Variants in GLG1 observed in about 807,000 individuals in gnomAD.
GLG1 encodes the protein Golgi apparatus protein 1.
A neutral mutation model predicts 160.5 loss-of-function variants in GLG1; 38 were observed. The ratio of observed to expected loss-of-function variants is 0.24; its 90% CI spans 0.18 to 0.31. The LOEUF is 0.31. Among genes scored for constraint, GLG1 ranks in the 10% least tolerant of loss-of-function variants. The probability of loss-of-function intolerance (pLI) is 1.00; values close to 1 mark genes in which losing one functional copy is unlikely to be tolerated. For missense variants in GLG1, 1,373 were observed against 1,505.2 expected, an observed-to-expected ratio of 0.91 and a Z score of 1.45; for synonymous variants, 644 against 543.4, an observed-to-expected ratio of 1.19 and a Z score of -2.57.
At chr16:74,515,043 CAAAG>C (rs1446736510) in intron 2 of GLG1, among the ~76,000 whole-genome samples, 2 of 151,960 alleles carry the variant, frequency 1.3e-5, no homozygotes, top group South Asian at 2.1e-4. Context: ...TCAAAAGAGA[CAAAG>C]AAAGCCATTA....
At chr16:74,498,242 C>T (rs898500323) in intron 4 of GLG1, among the ~76,000 whole-genome samples, 2 of 150,238 alleles carry the variant, frequency 1.3e-5, no homozygotes, top group Admixed American at 1.3e-4. Context: ...ACCAGTCTGG[C>T]CAACACAGTG....
In GLG1 at chr16:74,515,715, A is replaced by G. The variant is rs547541982; in HGVS notation, c.472-6790T>C. ...CTTAAAGTATAATTTTAAAAAATGTAAAGGGGCTAAATGCTCCAATTAAAA... is the reference window on the plus strand; with the variant it reads ...CTTAAAGTATAATTTTAAAAAATGTGAAGGGGCTAAATGCTCCAATTAAAA... On this transcript the variant is annotated intron_variant, in intron 2 of 25. Transcript: ENST00000422840. Among the ~76,000 whole-genome samples, 4 of 151,868 alleles carry G rather than the reference A, an allele frequency of 2.6e-5. 1 individual carries two copies. Among genetic ancestry groups the G allele is most frequent in the African/African-American group, 9.7e-5 (4 of 41,134 alleles).
chr16:74,595,906 C>G (rs1958289479), intron 1 of GLG1, among the ~76,000 whole-genome samples: 1 of 151,990 alleles, frequency 6.6e-6, no homozygotes, highest in South Asian at 2.1e-4. Flanking sequence ...GGTGGATCAC[C>G]TGAGGTCAGG....
At chr16:74,459,654 G>A (rs373516441) in intron 23 of GLG1, 28 bp downstream of exon 23, 4 of 1,059,996 alleles carry the variant, frequency 3.8e-6, no homozygotes, top group Admixed American at 2.1e-5. Flanking sequence ...AAGAAATGAA[G>A]TGAGGAAAAG....
At chr16:74,474,887 T>C (rs1382221231) in intron 12 of GLG1, among the ~76,000 whole-genome samples, 1 of 152,146 alleles carries the variant, frequency 6.6e-6, no homozygotes, top group Non-Finnish European at 1.5e-5. Flanking sequence ...CTGGGCATGA[T>C]GGCTCACACC....
Position 74,503,696 on chromosome 16 carries a change from G to A in GLG1, c.609C>T (p.Cys203=). 1.9e-6 allele frequency: 3 copies of A among 1,613,006 alleles called. No individual in the cohort carries two copies. Among genetic ancestry groups the A allele is most frequent in the Non-Finnish European group, 2.5e-6 (3 of 1,179,008 alleles). ...EPVGKGYMVS[C]LVDHRGNITE... is the part of the protein sequence containing the mutation. ...TGATGTTGCCTCGGTGATCCACCAA[G>A]CAGGAAACCATGTAACCTTTTCCAA... is the stretch of plus-strand genomic sequence containing the variant. The change falls in exon 4 of 26, where the codon TGC becomes TGT. Residue 203 remains cysteine, a synonymous_variant. Transcript: ENST00000422840.
At chr16:74,517,653 C>A (rs2017022055) in intron 2 of GLG1, among the ~76,000 whole-genome samples, 1 of 152,092 alleles carries the variant, frequency 6.6e-6, no homozygotes, top group Non-Finnish European at 1.5e-5. Context: ...ACAAGGATGC[C>A]CTCTCTCACC....
intron 1 of GLG1, among the ~76,000 whole-genome samples, chr16:74,549,284 G>A (rs528295863): frequency 9.9e-5 from 15 of 152,086 alleles, no homozygotes; most frequent in Non-Finnish European, 1.8e-4. Context: ...CTTGCAGGTG[G>A]AATTTTGTCT....
At chr16:74,563,778 G>C (rs1219744771) in intron 1 of GLG1, among the ~76,000 whole-genome samples, 1 of 151,646 alleles carries the variant, frequency 6.6e-6, no homozygotes, top group African/African-American at 2.4e-5. Flanking sequence ...TGTTCCTCAT[G>C]ATATGCTCCA....
chr16:74,565,254 A>AG (rs758554372), intron 1 of GLG1, among the ~76,000 whole-genome samples: 46 of 152,280 alleles, frequency 3.0e-4, no homozygotes, highest in Admixed American at 3.0e-3. Flanking sequence ...ACTTGAACCC[A>AG]GGGGGCAGAA....
At chr16:74,501,538 T>C (rs1217800964) in intron 4 of GLG1, among the ~76,000 whole-genome samples, 2 of 152,188 alleles carry the variant, frequency 1.3e-5, no homozygotes. Context: ...AACTCATACA[T>C]GGAGGTGACA....
At chr16:74,560,102 G>A (rs147240501) in intron 1 of GLG1, among the ~76,000 whole-genome samples, 114 of 152,194 alleles carry the variant, frequency 7.5e-4, no homozygotes, top group African/African-American at 2.1e-3. Flanking sequence ...CACGCGTTTC[G>A]CCAAACATTG....
intron 1 of GLG1, among the ~76,000 whole-genome samples, chr16:74,549,064 T>C (rs1396819979): frequency 6.6e-6 from 1 of 152,188 alleles, no homozygotes; most frequent in Non-Finnish European, 1.5e-5. Context: ...AATGAACCAA[T>C]GTTGGTTCAA....
chr16:74,596,839 G>A (rs1958315305), intron 1 of GLG1, among the ~76,000 whole-genome samples: 1 of 152,146 alleles, frequency 6.6e-6, no homozygotes, highest in African/African-American at 2.4e-5. Flanking sequence ...GTAATAGGCT[G>A]GGTACAGTGG....
chr16:74,603,932 T>A (rs1408836591), intron 1 of GLG1, among the ~76,000 whole-genome samples: 1 of 151,562 alleles, frequency 6.6e-6, no homozygotes, highest in Non-Finnish European at 1.5e-5. Context: ...TATTTCATAG[T>A]GGACCCATGA....
At chr16:74,548,845 A>G (rs1367515582) in intron 1 of GLG1, among the ~76,000 whole-genome samples, 1 of 152,088 alleles carries the variant, frequency 6.6e-6, no homozygotes, top group Admixed American at 6.6e-5. Flanking sequence ...AAAATAGAAG[A>G]ATTAGCTGGG....
At chr16:74,523,938 C>A (rs767037279) in intron 2 of GLG1, among the ~76,000 whole-genome samples, 1 of 152,018 alleles carries the variant, frequency 6.6e-6, no homozygotes, top group African/African-American at 2.4e-5. Context: ...AGGCCAGGCG[C>A]GGTGGCTCAC....
At chr16:74,539,666 A>T (rs144896270) in intron 1 of GLG1, among the ~76,000 whole-genome samples, 2,809 of 151,778 alleles carry the variant, frequency 0.019, 34 homozygotes, top group Non-Finnish European at 0.027. Context: ...AACACAGAGC[A>T]ATCGCTAATT....
At chr16:74,456,077 C>T (rs1478789393) in intron 25 of GLG1, among the ~76,000 whole-genome samples, 11 of 152,122 alleles carry the variant, frequency 7.2e-5, no homozygotes, top group African/African-American at 2.7e-4. Context: ...GAGTACTGGC[C>T]TCAAATATGT....
Sources: allele counts gnomAD v4.1 joint callset (sites outside exome capture counted in the v4.1 genomes callset), GRCh38; gene constraint gnomAD v4.1.1; transcripts MANE v1.5; gene names NCBI Gene and HGNC (gene_info 2026-07-23, HGNC 2026-07-21).